Variants in TRRAP observed in about 807,000 individuals in gnomAD.
TRRAP encodes transformation/transcription domain associated protein, also known as transformation/transcription domain-associated protein.
A neutral mutation model predicts 438.8 loss-of-function variants in TRRAP; 41 were observed. That is an observed-to-expected ratio of 0.09 (90% CI 0.07 to 0.12). The LOEUF (loss-of-function observed/expected upper bound fraction) is 0.12. TRRAP is among the 10% of genes least tolerant of loss of function. The pLI is 1.00. For missense variants in TRRAP, 3,122 were observed against 5,055.1 expected, an observed-to-expected ratio of 0.62 and a Z score of 11.60; for synonymous variants, 1,994 against 1,962.9, an observed-to-expected ratio of 1.02 and a Z score of -0.42.
At chr7:98,984,892 A>G (rs1398391183) in intron 61 of TRRAP, 52 bp from the exon 62 acceptor site, 3 of 1,222,130 alleles carry the variant, frequency 2.5e-6, no homozygotes, top group Admixed American at 1.9e-5. Context: ...TGAGGTTTTC[A>G]TATTGTTTAG....
chr7:98,889,558 A>ATG (rs1554404500), intron 3 of TRRAP, among the ~76,000 whole-genome samples: 1 of 72,130 alleles, frequency 1.4e-5, no homozygotes, highest in Non-Finnish European at 4.1e-5. Flanking sequence ...TTTTTTTTAA[A>ATG]AAAAATAGAG....
At chr7:98,952,267 T>TA (rs1791376991) in intron 39 of TRRAP, among the ~76,000 whole-genome samples, 1 of 152,210 alleles carries the variant, frequency 6.6e-6, no homozygotes, top group South Asian at 2.1e-4. Flanking sequence ...ATGAAACACT[T>TA]AAAAAATCTG....
intron 3 of TRRAP, among the ~76,000 whole-genome samples, chr7:98,889,047 T>C (rs1584269272): frequency 2.7e-4 from 1 of 3,690 alleles, no homozygotes; most frequent in South Asian, 0.016. Flanking sequence ...AAACTTTACT[T>C]TTTTTTTTTT....
At position 98,976,135 on chromosome 7, in the gene TRRAP, C is replaced by A. The variant is rs1447136781; in HGVS notation, c.7840-14C>A. The stretch of plus-strand genomic sequence containing the variant: ...GCCCGTGGCCATCTCAGCCTGTTGT[C>A]TTTCTGTTCATAGACTGGAGCGCTG... On this transcript the variant is annotated splice_polypyrimidine_tract_variant and intron_variant, in intron 53 of 72. Transcript: ENST00000456197. The surrounding 1 kb of genome is among the most constrained non-coding windows in gnomAD (Gnocchi z 4.6). The A allele has an allele frequency of 6.2e-7, 1 of 1,613,534 alleles. No individual in the cohort carries two copies. Among genetic ancestry groups the A allele is most frequent in the Non-Finnish European group, 8.5e-7 (1 of 1,179,736 alleles).
Position 98,950,062 on chromosome 7 carries a change from A to G in TRRAP, c.5136-2A>G, listed in dbSNP as rs1791263125. The G allele has an allele frequency of 6.2e-7, 1 of 1,614,064 alleles. No homozygotes were observed. Among genetic ancestry groups the G allele is most frequent in the African/African-American group, 1.3e-5 (1 of 74,930 alleles). ...ACCTGTCTTCTTCTTTTGACCCTCC[A>G]GAAGGAATTACGGAGATATAGAATT... On this transcript the variant is annotated splice_acceptor_variant, in intron 37 of 72. Coordinates refer to ENST00000456197, the MANE Select transcript of TRRAP (RefSeq NM_001375524.1). LOFTEE classifies it high-confidence loss of function.
At chr7:98,906,320 A>T in intron 13 of TRRAP, 65 bp downstream of exon 13, 1 of 1,353,590 alleles carries the variant, frequency 7.4e-7, no homozygotes, top group Non-Finnish European at 1.0e-6. Flanking sequence ...CTGGCACTTC[A>T]TGTTACAAGT....
At position 98,938,695 on chromosome 7, in the gene TRRAP, T is replaced by C. The variant is rs539555849; in HGVS notation, c.4404+875T>C. Among the ~76,000 whole-genome samples the C allele has an allele frequency of 2.6e-5, 4 of 152,380 alleles. No individual in the cohort carries two copies. The South Asian group carries it at 8.3e-4, about 32-fold the overall frequency. Reference sequence around the variant, plus strand: ...TGCCATAATTTATTTAACCATGGCCTCACTGGTGAACATTTAGATTGTTCC... The same window carrying C: ...TGCCATAATTTATTTAACCATGGCCCCACTGGTGAACATTTAGATTGTTCC... On this transcript the variant is annotated intron_variant, in intron 30 of 72. Transcript: ENST00000456197.
chr7:98,942,067 T>C (rs1346701277), intron 30 of TRRAP, among the ~76,000 whole-genome samples: 3 of 152,254 alleles, frequency 2.0e-5, no homozygotes, highest in African/African-American at 7.2e-5. Flanking sequence ...GCTCTTCTTG[T>C]GGTTTTAGCT....
At chr7:98,878,971 C>A (rs1014377709) in intron 1 of TRRAP, among the ~76,000 whole-genome samples, 10 of 152,088 alleles carry the variant, frequency 6.6e-5, no homozygotes, top group Non-Finnish European at 1.2e-4. Context: ...GCTGAGAGGT[C>A]GGGTGGGACG....
intron 46 of TRRAP, among the ~76,000 whole-genome samples, 161 bp from the exon 47 acceptor site, chr7:98,962,141 C>T (rs916556197): frequency 6.6e-6 from 1 of 152,010 alleles, no homozygotes; most frequent in Non-Finnish European, 1.5e-5. Flanking sequence ...CTGTGTAGAA[C>T]GGGAACCAGC....
In TRRAP at chr7:98,956,102, C is replaced by A; in HGVS notation, c.5938-44C>A. 6.7e-7 allele frequency: 1 copy of A among 1,482,472 alleles called. No individual in the cohort carries two copies. 91.8% of individuals were successfully genotyped at this position (1,482,472 alleles called of 1,614,324 possible). A position where few individuals can be genotyped will look rare whatever the true frequency, so the allele number is the denominator to read the frequency against. ...GCGCACACGTGCATGCACTGTGGGA[C>A]CAAGCTCCCATGTTCCGGCGTGATG... On this transcript the variant is annotated intron_variant, in intron 41 of 72. Coordinates refer to ENST00000456197, the MANE Select transcript of TRRAP (RefSeq NM_001375524.1). The surrounding 1 kb of genome is among the most constrained non-coding windows in gnomAD (Gnocchi z 4.5).
intron 21 of TRRAP, among the ~76,000 whole-genome samples, chr7:98,924,799 C>T (rs1198065224): frequency 2.1e-5 from 3 of 143,658 alleles, no homozygotes; most frequent in Non-Finnish European, 4.5e-5. Context: ...GTCAGGAGAT[C>T]GAGACCATCC....
At chr7:98,990,311 C>A in intron 63 of TRRAP, 144 bp from the exon 64 acceptor site, 2 of 681,478 alleles carry the variant, frequency 2.9e-6, no homozygotes, top group Non-Finnish European at 2.3e-6. Context: ...TTAAGTTTAG[C>A]AATAATGTTG....
At chr7:98,911,330 A>G in intron 17 of TRRAP, 59 bp downstream of exon 17, 3 of 1,432,108 alleles carry the variant, frequency 2.1e-6, no homozygotes, top group Non-Finnish European at 1.9e-6. Flanking sequence ...TATGTCTTAA[A>G]TACTTTTTCA....
chr7:98,926,951 A>G (rs1007239445), intron 22 of TRRAP, among the ~76,000 whole-genome samples: 2 of 152,250 alleles, frequency 1.3e-5, no homozygotes, highest in Non-Finnish European at 2.9e-5. Flanking sequence ...CCTGGGAGGT[A>G]GAGGTTGCAG....
chr7:98,880,874 G>A (rs1795399033), intron 1 of TRRAP, among the ~76,000 whole-genome samples: 1 of 152,158 alleles, frequency 6.6e-6, no homozygotes, highest in South Asian at 2.1e-4. Context: ...AATACCGTAG[G>A]AAGGAACAGT....
At chr7:98,952,046 G>A (rs1791362046) in intron 39 of TRRAP, among the ~76,000 whole-genome samples, 2 of 152,188 alleles carry the variant, frequency 1.3e-5, no homozygotes. Flanking sequence ...GTACATCTGG[G>A]GAAGAGAGGA....
chr7:99,008,637 G>A (rs1447991057), intron 70 of TRRAP, 76 bp downstream of exon 70: 4 of 1,505,266 alleles, frequency 2.7e-6, no homozygotes, highest in Non-Finnish European at 3.6e-6. Context: ...GGAGACAGGG[G>A]TGTTTAGGAG....
chr7:98,950,217 T>C lies in TRRAP; in HGVS notation c.5289T>C (p.Phe1763=), dbSNP rs376873130. The part of the protein sequence containing the change: ...IAQKRALFFR[F]VDFNDPNFGD... The stretch of plus-strand genomic sequence containing the variant: ...AGAAACGTGCCCTGTTCTTTCGCTT[T>C]GTAGACTTCAACGACCCCAACTTCG... Residue 1763 remains phenylalanine, a synonymous_variant, in exon 38 of 73, where the codon TTT becomes TTC. Transcript: ENST00000456197. 6.2e-7 allele frequency: 1 copy of C among 1,614,130 alleles called. No individual in the cohort carries two copies. Among genetic ancestry groups the C allele is most frequent in the Non-Finnish European group, 8.5e-7 (1 of 1,180,054 alleles).
Sources: allele counts gnomAD v4.1 joint callset (sites outside exome capture counted in the v4.1 genomes callset), GRCh38; gene constraint gnomAD v4.1.1; non-coding constraint Gnocchi (gnomAD v3.1); transcripts MANE v1.5; gene names NCBI Gene and HGNC (gene_info 2026-07-23, HGNC 2026-07-21).